Variants in VPS8 observed in about 807,000 individuals in gnomAD.
The protein encoded by VPS8 is VPS8 subunit of CORVET complex, also known as vacuolar protein sorting-associated protein 8 homolog.
VPS8 carries 129 observed loss-of-function variants against 216.4 expected under a neutral mutation model. The ratio of observed to expected loss-of-function variants is 0.60; its 90% CI spans 0.52 to 0.69. The LOEUF (loss-of-function observed/expected upper bound fraction) is 0.69, where lower values mean the gene tolerates loss of function less well. Ranked by LOEUF, VPS8 falls within the 30% of genes least tolerant of loss-of-function variation. The pLI, the probability that VPS8 is intolerant of heterozygous loss-of-function variation, is 0.00. For missense variants in VPS8, 1,531 were observed against 1,683.5 expected, an observed-to-expected ratio of 0.91 and a Z score of 1.59; for synonymous variants, 571 against 565.4, an observed-to-expected ratio of 1.01 and a Z score of -0.14.
chr3:184,876,140 C>T (rs1017721310), intron 21 of VPS8, among the ~76,000 whole-genome samples: 1 of 152,150 alleles, frequency 6.6e-6, no homozygotes, highest in African/African-American at 2.4e-5. Context: ...AATAGTCTGT[C>T]CATTTTTGGC....
rs188996482 is a variant in VPS8 at position 184,961,816 on chromosome 3, G to A, written c.3184-2652G>A. On this transcript the variant is annotated intron_variant, in intron 37 of 47. Transcript: ENST00000625842. Reference sequence around the variant, plus strand: ...GAGTCTCTCTCTGTCACCCAGGCTGGAGTGCAGTGGCATGATCTCGGCTCA... The same window carrying A: ...GAGTCTCTCTCTGTCACCCAGGCTGAAGTGCAGTGGCATGATCTCGGCTCA... Among the ~76,000 whole-genome samples the A allele has an allele frequency of 2.0e-3, 307 of 151,266 alleles. 1 individual carries two copies. The highest frequency in any genetic ancestry group is 0.01 in the Middle Eastern group (3 of 290).
intron 18 of VPS8, chr3:184,868,320 A>G: frequency 2.5e-6 from 1 of 401,290 alleles, no homozygotes; most frequent in Non-Finnish European, 4.5e-6. Context: ...ACCTGGAGCT[A>G]GGTGGTCCGC....
chr3:184,994,488 GAAA>G (rs11316264), intron 43 of VPS8, among the ~76,000 whole-genome samples: 5 of 143,004 alleles, frequency 3.5e-5, no homozygotes, highest in East Asian at 2.0e-4. Context: ...ACCCTTCTCT[GAAA>G]AAAAAAAAAA....
intron 11 of VPS8, 75 bp from the exon 12 acceptor site, chr3:184,853,782 A>G: frequency 6.7e-7 from 1 of 1,486,088 alleles, no homozygotes; most frequent in Non-Finnish European, 9.1e-7. Flanking sequence ...GAGGCTATGA[A>G]AGTAGTCCAG....
At chr3:184,853,715 A>G in intron 11 of VPS8, 142 bp from the exon 12 acceptor site, 1 of 770,268 alleles carries the variant, frequency 1.3e-6, no homozygotes, top group Non-Finnish European at 2.1e-6. Context: ...TAATAAAAAG[A>G]CCATGCTGCT....
At position 184,880,565 on chromosome 3, in the gene VPS8, C is replaced by T. The variant is rs533957442; in HGVS notation, c.1735-5545C>T. Among the ~76,000 whole-genome samples the T allele has an allele frequency of 1.1e-4, 16 of 152,178 alleles. No individual in the cohort carries two copies. The East Asian group carries it at 1.5e-3, about 15-fold the overall frequency. On this transcript the variant is annotated intron_variant, in intron 21 of 47. Transcript: ENST00000625842. ...GCCACAGTTTGATTAACAATTTTACCGGTTGAAGAATATCTGGGTTGTTTC... is the reference window on the plus strand; with the variant it reads ...GCCACAGTTTGATTAACAATTTTACTGGTTGAAGAATATCTGGGTTGTTTC...
intron 45 of VPS8, among the ~76,000 whole-genome samples, chr3:185,022,888 C>T (rs1756851661): frequency 6.6e-6 from 1 of 151,986 alleles, no homozygotes; most frequent in Non-Finnish European, 1.5e-5. Context: ...AAATTTGGAT[C>T]CTTTATTTTA....
intron 45 of VPS8, among the ~76,000 whole-genome samples, chr3:185,012,825 A>G (rs1241215390): frequency 6.6e-6 from 1 of 152,226 alleles, no homozygotes; most frequent in African/African-American, 2.4e-5. Context: ...ACACACAGAA[A>G]TATAGCGTGT....
At chr3:184,823,970 G>A (rs1003126841) in intron 1 of VPS8, among the ~76,000 whole-genome samples, 2 of 152,152 alleles carry the variant, frequency 1.3e-5, no homozygotes, top group South Asian at 2.1e-4. Context: ...GTAGGCTATG[G>A]AGTTATTTTA....
chr3:184,960,084 C>T (rs1441129971), intron 37 of VPS8, among the ~76,000 whole-genome samples: 3 of 151,790 alleles, frequency 2.0e-5, no homozygotes, highest in Non-Finnish European at 4.4e-5. Flanking sequence ...TAAGAACATG[C>T]GGTGTTTGGT....
At chr3:184,838,178 C>A (rs1273330785) in intron 5 of VPS8, among the ~76,000 whole-genome samples, 1 of 152,148 alleles carries the variant, frequency 6.6e-6, no homozygotes, top group Non-Finnish European at 1.5e-5. Context: ...TTTTCAAATG[C>A]CATGTAGTTA....
chr3:184,878,204 G>A (rs1177092609), intron 21 of VPS8, among the ~76,000 whole-genome samples: 5 of 151,486 alleles, frequency 3.3e-5, no homozygotes, highest in African/African-American at 7.3e-5. Context: ...TCTGCCTCCC[G>A]GGTTCAAGCT....
At chr3:184,888,097 C>T (rs7614656) in intron 22 of VPS8, among the ~76,000 whole-genome samples, 29,514 of 151,618 alleles carry the variant, frequency 0.19, 3,855 homozygotes, top group African/African-American at 0.38. Context: ...ACGCCATTCT[C>T]CTGCCTCAGC....
chr3:184,974,738 G>C (rs1458127178), intron 40 of VPS8, among the ~76,000 whole-genome samples: 2 of 152,038 alleles, frequency 1.3e-5, no homozygotes, highest in African/African-American at 4.8e-5. Context: ...TTTGTATATT[G>C]TGAGATATAA....
At chr3:184,818,367 C>G (rs1005917609) in intron 1 of VPS8, among the ~76,000 whole-genome samples, 1 of 151,602 alleles carries the variant, frequency 6.6e-6, no homozygotes, top group Non-Finnish European at 1.5e-5. Flanking sequence ...ATGAAAAATT[C>G]AAAAAATTAG....
At chr3:185,028,420 A>G (rs908009116) in intron 46 of VPS8, among the ~76,000 whole-genome samples, 1 of 152,218 alleles carries the variant, frequency 6.6e-6, no homozygotes, top group African/African-American at 2.4e-5. Context: ...TGTCTTCAGT[A>G]TAATGTGAAA....
chr3:184,900,991 T>A lies in VPS8; in HGVS notation c.2146+19T>A. On this transcript the variant is annotated intron_variant, in intron 25 of 47. Transcript: ENST00000625842. ...CTAACAGGTATTTATTTTCTAAGCC[T>A]TAATTTTTTGCTTTCCTGTATTTAA... 1 of 1,600,678 alleles carries A rather than the reference T, an allele frequency of 6.2e-7. No individual in the cohort carries two copies. The highest frequency in any genetic ancestry group is 8.5e-7 in the Non-Finnish European group (1 of 1,176,442).
intron 22 of VPS8, among the ~76,000 whole-genome samples, chr3:184,887,120 A>C (rs916712821): frequency 8.5e-5 from 13 of 152,242 alleles, no homozygotes; most frequent in Admixed American, 7.9e-4. Flanking sequence ...AGGTGGGAGG[A>C]TTCCTTGAGC....
At chr3:184,880,405 T>G (rs2108834563) in intron 21 of VPS8, among the ~76,000 whole-genome samples, 1 of 152,232 alleles carries the variant, frequency 6.6e-6, no homozygotes, top group South Asian at 2.1e-4. Context: ...ATAAATGGAA[T>G]CATAGAGTGT....
Sources: gnomAD v4.1 joint callset for allele counts (sites outside exome capture counted in the v4.1 genomes callset) on GRCh38, gnomAD v4.1.1 for gene constraint, MANE v1.5 for transcripts, NCBI Gene and HGNC (gene_info 2026-07-23, HGNC 2026-07-21) for gene names.